GALNT13: variants seen among roughly 807,000 people sequenced by gnomAD.
The protein encoded by GALNT13 is polypeptide N-acetylgalactosaminyltransferase 13.
In GALNT13, 28 loss-of-function variants were observed where a neutral mutation model predicts 64.2. The observed-to-expected ratio is 0.44, with a 90% CI of 0.32 to 0.60. The LOEUF (loss-of-function observed/expected upper bound fraction) is 0.60. Ranked by LOEUF, GALNT13 falls within the 20% of genes least tolerant of loss-of-function variation. The pLI is 0.05. For missense variants in GALNT13, 577 were observed against 669.8 expected (o/e 0.86, Z 1.53); for synonymous variants, 214 against 224.6 (o/e 0.95, Z 0.42).
At chr2:153,156,544 A>G in the GALNT13 span, among the ~76,000 whole-genome samples, 1 of 152,138 alleles carries the variant, frequency 6.6e-6, no homozygotes, top group African/African-American at 2.4e-5. Context: ...CGTTTTCACT[A>G]TTCCCCTAAC....
chr2:154,448,429 A>G (rs1701704814), intron 12 of GALNT13, among the ~76,000 whole-genome samples: 1 of 152,058 alleles, frequency 6.6e-6, no homozygotes, highest in South Asian at 2.1e-4. Context: ...TTTTCTGACA[A>G]AGAACATGAT....
At chr2:153,534,466 C>G in the GALNT13 span, among the ~76,000 whole-genome samples, 9 of 151,908 alleles carry the variant, frequency 5.9e-5, no homozygotes, top group Non-Finnish European at 1.2e-4. Context: ...TACTTACTTT[C>G]CCCAAGGTCA....
chr2:153,069,932 A>G, the GALNT13 span, among the ~76,000 whole-genome samples: 8 of 152,134 alleles, frequency 5.3e-5, no homozygotes, highest in Non-Finnish European at 1.0e-4. Flanking sequence ...GAATGCCATT[A>G]TATTTGAAAA....
intron 3 of GALNT13, among the ~76,000 whole-genome samples, chr2:153,985,864 CA>C (rs1288334070): frequency 2.0e-5 from 3 of 151,988 alleles, no homozygotes; most frequent in African/African-American, 7.2e-5. Flanking sequence ...TGATAGTTTG[CA>C]ATGTTGCATT....
the GALNT13 span, among the ~76,000 whole-genome samples, chr2:153,665,080 A>G: frequency 6.6e-6 from 1 of 152,230 alleles, no homozygotes; most frequent in South Asian, 2.1e-4. Flanking sequence ...TAGTGTATAA[A>G]CAGGCAAGGA....
the GALNT13 span, among the ~76,000 whole-genome samples, chr2:153,190,938 T>G: frequency 6.6e-6 from 1 of 152,138 alleles, no homozygotes. Flanking sequence ...TCTGAAACTT[T>G]GCTGAACTTG....
chr2:154,192,892 A>G (rs892966598), intron 4 of GALNT13, among the ~76,000 whole-genome samples: 1 of 152,236 alleles, frequency 6.6e-6, no homozygotes, highest in African/African-American at 2.4e-5. Context: ...TGACTTAAAA[A>G]TCTGCACTAA....
At chr2:153,793,304 TA>T in the GALNT13 span, among the ~76,000 whole-genome samples, 3 of 151,916 alleles carry the variant, frequency 2.0e-5, no homozygotes, top group Admixed American at 2.0e-4. Context: ...TTAAAGGCTT[TA>T]AAAAAAATAC....
At chr2:153,234,461 T>C in the GALNT13 span, among the ~76,000 whole-genome samples, 1 of 152,268 alleles carries the variant, frequency 6.6e-6, no homozygotes, top group African/African-American at 2.4e-5. Context: ...CCTTTATGGG[T>C]GTGAGAAGAA....
At chr2:153,242,409 G>A in the GALNT13 span, among the ~76,000 whole-genome samples, 8 of 152,136 alleles carry the variant, frequency 5.3e-5, no homozygotes, top group African/African-American at 1.9e-4. Flanking sequence ...AAGGGAAAGG[G>A]GAAGGAAAGA....
the GALNT13 span, among the ~76,000 whole-genome samples, chr2:153,122,816 C>A: frequency 6.6e-6 from 1 of 151,902 alleles, no homozygotes; most frequent in African/African-American, 2.4e-5. Context: ...TTAATTATAC[C>A]CCCTCCCCCC....
the GALNT13 span, among the ~76,000 whole-genome samples, chr2:153,722,614 A>C: frequency 2.0e-5 from 3 of 152,084 alleles, no homozygotes; most frequent in Non-Finnish European, 2.9e-5. Context: ...AAAAATGATA[A>C]AGGGGATATC....
At chr2:153,388,806 CCCA>C in the GALNT13 span, among the ~76,000 whole-genome samples, 3 of 151,962 alleles carry the variant, frequency 2.0e-5, no homozygotes, top group Non-Finnish European at 2.9e-5. Flanking sequence ...ACAATTAAAA[CCCA>C]GAAACCCAGG....
chr2:153,430,878 A>G, the GALNT13 span, among the ~76,000 whole-genome samples: 6 of 152,082 alleles, frequency 3.9e-5, no homozygotes, highest in African/African-American at 1.2e-4. Flanking sequence ...GTAGCCAGGC[A>G]TGGTGGCTCA....
chr2:154,293,319 A>T (rs1692746072), intron 8 of GALNT13, among the ~76,000 whole-genome samples: 1 of 152,178 alleles, frequency 6.6e-6, no homozygotes, highest in African/African-American at 2.4e-5. Context: ...ATAGACTATT[A>T]TTTTAGACTC....
At chr2:153,613,453 A>G in the GALNT13 span, among the ~76,000 whole-genome samples, 1 of 152,148 alleles carries the variant, frequency 6.6e-6, no homozygotes, top group Non-Finnish European at 1.5e-5. Context: ...AAAAAGTGCT[A>G]TCTATATAAC....
At chr2:154,209,672 C>G (rs975392025) in intron 4 of GALNT13, among the ~76,000 whole-genome samples, 2 of 152,106 alleles carry the variant, frequency 1.3e-5, no homozygotes. Flanking sequence ...TCCCACATGC[C>G]TACTACGTTA....
At chr2:153,454,022 TAAAA>T in the GALNT13 span, among the ~76,000 whole-genome samples, 1 of 151,912 alleles carries the variant, frequency 6.6e-6, no homozygotes, top group African/African-American at 2.4e-5. Flanking sequence ...AGAAAAATAA[TAAAA>T]AAATACCACA....
the GALNT13 span, among the ~76,000 whole-genome samples, chr2:153,342,471 A>G: frequency 6.6e-6 from 1 of 152,232 alleles, no homozygotes. Context: ...GGGAGCTGTG[A>G]GCACCACATG....
Sources: allele counts gnomAD v4.1 joint callset (sites outside exome capture counted in the v4.1 genomes callset), GRCh38; gene constraint gnomAD v4.1.1; transcripts MANE v1.5; gene names NCBI Gene and HGNC (gene_info 2026-07-23, HGNC 2026-07-21).